Variants in ATP13A2 observed in about 807,000 individuals in gnomAD.
ATP13A2 encodes the protein polyamine-transporting ATPase 13A2.
ATP13A2 carries 83 observed loss-of-function variants against 138.3 expected under a neutral mutation model. The ratio of observed to expected loss-of-function variants is 0.60; its 90% confidence interval spans 0.50 to 0.72. The LOEUF (loss-of-function observed/expected upper bound fraction) is 0.72, where lower values mean the gene tolerates loss of function less well. Among genes scored for constraint, ATP13A2 ranks in the 30% least tolerant of loss-of-function variants. The pLI, the probability that ATP13A2 is intolerant of heterozygous loss-of-function variation, is 0.00. For missense variants in ATP13A2, 1,402 were observed against 1,606.4 expected (o/e 0.87, Z 2.17); for synonymous variants, 663 against 699.0 (o/e 0.95, Z 0.81).
In ATP13A2 at chr1:17,000,454, G is replaced by A. The variant is rs1237741171; in HGVS notation, c.786C>T (p.Cys262=). The change falls in exon 9 of 29, where the codon TGC becomes TGT. Residue 262 remains cysteine (C), a synonymous_variant. Coordinates refer to ENST00000326735, the MANE Select transcript of ATP13A2 (RefSeq NM_022089.4). ...LADHYYWYAL[C]IFLISSISIC... Reference sequence around the variant, plus strand: ...TGGAGATGGAGGAAATGAGGAAGATGCACAGGGCGTACCAGTAGTAGTGGT... The same window carrying A: ...TGGAGATGGAGGAAATGAGGAAGATACACAGGGCGTACCAGTAGTAGTGGT... 2 of 1,613,972 alleles carry A rather than the reference G, an allele frequency of 1.2e-6. No individual in the cohort carries two copies. The highest frequency in any genetic ancestry group is 1.7e-5 in the Admixed American group (1 of 60,000).
intron 11 of ATP13A2, among the ~76,000 whole-genome samples, chr1:16,997,414 C>CGGGGGGGGG (rs1379881479): frequency 7.1e-4 from 40 of 56,372 alleles, no homozygotes; most frequent in Middle Eastern, 7.7e-3. Context: ...CTGGAACCAG[C>CGGGGGGGGG]GGGGGGGGGT....
At chr1:16,997,433 C>A (rs1389005046) in intron 11 of ATP13A2, among the ~76,000 whole-genome samples, 1 of 104,282 alleles carries the variant, frequency 9.6e-6, no homozygotes, top group African/African-American at 4.0e-5. Flanking sequence ...GTGGGTCAGA[C>A]AGAGCATGTG....
chr1:16,986,212 G>C lies in ATP13A2; in HGVS notation c.*9C>G. The C allele has an allele frequency of 6.2e-7, 1 of 1,612,432 alleles. No homozygotes were observed. Among genetic ancestry groups the C allele is most frequent in the Non-Finnish European group, 8.5e-7 (1 of 1,179,516 alleles). ...GAGTTCCAGTGTCTGGGGTGCCCGT[G>C]GGCCTGCACTACCTCAGGGGGCCGG... On this transcript the variant is annotated 3_prime_UTR_variant, in exon 29 of 29. Transcript: ENST00000326735. This position sits in a 1 kb window ranked among gnomAD's most constrained non-coding sequence, Gnocchi z 6.9.
chr1:16,986,145 G>A lies in ATP13A2; in HGVS notation c.*76C>T, dbSNP rs763402432. ...CAGGGATGTGGGAGGTGGTGGCGGT[G>A]GTGTTGCTGGAGAGGGGTCCAGTTG... On this transcript the variant is annotated 3_prime_UTR_variant, in exon 29 of 29. Transcript: ENST00000326735. The surrounding 1 kb of genome is among the most constrained non-coding windows in gnomAD (Gnocchi z 6.9). 2 of 1,604,172 alleles carry A rather than the reference G, an allele frequency of 1.2e-6. No homozygotes were observed. The highest frequency in any genetic ancestry group is 2.7e-5 in the African/African-American group (2 of 74,828).
At chr1:17,002,582 A>T (rs1399503234) in intron 6 of ATP13A2, among the ~76,000 whole-genome samples, 2 of 152,232 alleles carry the variant, frequency 1.3e-5, no homozygotes, top group Non-Finnish European at 2.9e-5. Context: ...TCACTGAAGA[A>T]GGAGAACAGC....
chr1:16,988,262 G>A, intron 24 of ATP13A2, 28 bp from the exon 25 acceptor site: 1 of 1,614,176 alleles, frequency 6.2e-7, no homozygotes, highest in Non-Finnish European at 8.5e-7. Context: ...GACATTAGGG[G>A]ACCCAGGTTG....
At chr1:16,992,727 C>G (rs2076980979) in intron 16 of ATP13A2, 146 bp from the exon 17 acceptor site, 2 of 797,080 alleles carry the variant, frequency 2.5e-6, no homozygotes, top group Non-Finnish European at 2.0e-6. Context: ...CAAATTCAAA[C>G]TCTAGCTTTG....
rs763038059 is a variant in ATP13A2, at chr1:16,986,781, T to C, written c.3235+24A>G. On this transcript the variant is annotated intron_variant, in intron 27 of 28. Coordinates refer to ENST00000326735, the MANE Select transcript of ATP13A2 (RefSeq NM_022089.4). This position sits in a 1 kb window ranked among gnomAD's most constrained non-coding sequence, Gnocchi z 6.9. ...GCTCCTCCCTCCCTCCGCCAGCATC[T>C]CCCGCCCGCGCCCGCAGTGGCACCA... The C allele has an allele frequency of 1.2e-6, 2 of 1,607,176 alleles. No homozygotes were observed. The highest frequency in any genetic ancestry group is 1.7e-5 in the Admixed American group (1 of 59,276).
rs1403875589 is a variant in ATP13A2 at position 16,997,140 on chromosome 1, C to T, written c.1075G>A (p.Glu359Lys). Residue 359 changes from glutamate to lysine, a missense_variant, in exon 12 of 29, where the codon GAG (glutamate) becomes AAG (lysine). By Grantham distance (56) the Glu-to-Lys change is moderately conservative. Coordinates refer to ENST00000326735, the MANE Select transcript of ATP13A2 (RefSeq NM_022089.4). ...TCTGCACAGTAGGGCCCCAGCCCCT[C>T]CGGCAGTGCCGTCTTCAGCACTGGA... ...SIPVLKTALP[E>K]GLGPYCAETH... 3.7e-6 allele frequency: 6 copies of T among 1,613,722 alleles called. No individual in the cohort carries two copies. In the South Asian group the frequency reaches 6.6e-5, roughly 18 times the overall value.
intron 1 of ATP13A2, among the ~76,000 whole-genome samples, chr1:17,007,553 T>TC (rs1187897887): frequency 1.4e-5 from 2 of 141,960 alleles, no homozygotes; most frequent in Non-Finnish European, 3.1e-5. Context: ...ATTTTTCCTT[T>TC]TTTTTTTTTT....
chr1:17,002,899 C>T (rs1470534381), intron 6 of ATP13A2, among the ~76,000 whole-genome samples: 1 of 152,190 alleles, frequency 6.6e-6, no homozygotes, highest in African/African-American at 2.4e-5. Context: ...TCCCCTCTGC[C>T]TCACCTCCAC....
Position 17,011,759 on chromosome 1 carries a change from G to A in ATP13A2, c.-21C>T, listed in dbSNP as rs2077807561. On this transcript the variant is annotated 5_prime_UTR_variant, in exon 1 of 29. Transcript: ENST00000326735. This position sits in a 1 kb window ranked among gnomAD's most constrained non-coding sequence, Gnocchi z 7.3. ...CTCATGCCGGCTCCTCGCGCTCATC[G>A]CCGGCCCCGGCGCTGCGGCCCTCGG... The A allele has an allele frequency of 1.4e-5, 20 of 1,443,746 alleles. No individual in the cohort carries two copies. The highest frequency in any genetic ancestry group is 1.5e-5 in the Non-Finnish European group (17 of 1,101,418). The allele number at this position is 1,443,746 out of a possible 1,614,324, so 89.4% of individuals were successfully genotyped here. A position where few individuals can be genotyped will look rare whatever the true frequency, so the allele number is the denominator to read the frequency against.
In ATP13A2 at chr1:16,993,615, C is replaced by T. The variant is rs2077012039; in HGVS notation, c.1749+14G>A. 1.3e-6 allele frequency: 2 copies of T among 1,568,514 alleles called. No homozygotes were observed. Among genetic ancestry groups the T allele is most frequent in the Non-Finnish European group, 1.7e-6 (2 of 1,157,054 alleles). ...TGCCCAGAGGCAGGGGGCTGACCTG[C>T]TTGGCCTCCTCACCCAGCCAGTAGA... On this transcript the variant is annotated intron_variant, in intron 16 of 28. Coordinates refer to ENST00000326735, the MANE Select transcript of ATP13A2 (RefSeq NM_022089.4).
chr1:17,005,318 C>T, intron 3 of ATP13A2, 56 bp downstream of exon 3: 2 of 1,553,632 alleles, frequency 1.3e-6, no homozygotes, highest in South Asian at 1.2e-5. Flanking sequence ...CATCCTCCAC[C>T]CCCGACCCTG....
At chr1:16,994,600 A>ATCCT (rs1299725732) in intron 15 of ATP13A2, among the ~76,000 whole-genome samples, 3 of 152,064 alleles carry the variant, frequency 2.0e-5, no homozygotes, top group Non-Finnish European at 4.4e-5. Context: ...CTAACTGCCC[A>ATCCT]AGTACGCGTC....
rs572008321 is a variant in ATP13A2 at position 16,988,091 on chromosome 1, C to T, written c.2859+47G>A. On this transcript the variant is annotated intron_variant, in intron 25 of 28. Transcript: ENST00000326735. Reference sequence around the variant, plus strand: ...TCCAAGGCACAGGGCTGTGTCCCCTCCCTAGTCCTGGGACGGCTCTGGGTA... The same window carrying T: ...TCCAAGGCACAGGGCTGTGTCCCCTTCCTAGTCCTGGGACGGCTCTGGGTA... The T allele has an allele frequency of 4.5e-4, 701 of 1,558,138 alleles. 5 individuals carry two copies. The South Asian group carries it at 6.2e-3, about 14-fold the overall frequency.
intron 11 of ATP13A2, among the ~76,000 whole-genome samples, chr1:16,999,331 G>A (rs2100978411): frequency 7.6e-6 from 1 of 130,910 alleles, no homozygotes; most frequent in East Asian, 2.4e-4. Context: ...AGTGAGCTGA[G>A]ATCGCACCAT....
At chr1:17,002,771 T>C (rs1448614174) in intron 6 of ATP13A2, among the ~76,000 whole-genome samples, 2 of 152,120 alleles carry the variant, frequency 1.3e-5, no homozygotes, top group African/African-American at 2.4e-5. Context: ...GTAGATTAAG[T>C]GGGGCAAGCC....
At chr1:16,992,201 G>A (rs748649995) in intron 18 of ATP13A2, 42 bp downstream of exon 18, 1 of 1,611,770 alleles carries the variant, frequency 6.2e-7, no homozygotes, top group South Asian at 1.1e-5. Context: ...CCCATTCTGT[G>A]CCAATGCCCA....
Sources: gnomAD v4.1 joint callset for allele counts (sites outside exome capture counted in the v4.1 genomes callset) on GRCh38, gnomAD v4.1.1 for gene constraint, Gnocchi (gnomAD v3.1) non-coding constraint, MANE v1.5 for transcripts, NCBI Gene and HGNC (gene_info 2026-07-23, HGNC 2026-07-21) for gene names.